DNAJC13: variants seen among roughly 807,000 people sequenced by gnomAD.
The protein encoded by DNAJC13 is dnaJ homolog subfamily C member 13.
DNAJC13 carries 75 observed loss-of-function variants against 290.5 expected under a neutral mutation model. That is an observed-to-expected ratio of 0.26 (90% CI 0.21 to 0.31). The LOEUF (loss-of-function observed/expected upper bound fraction) is 0.31. Ranked by LOEUF, DNAJC13 falls within the 10% of genes least tolerant of loss-of-function variation. The pLI is 1.00. For missense variants in DNAJC13, 2,260 were observed against 2,674.5 expected, an observed-to-expected ratio of 0.85 and a Z score of 3.42; for synonymous variants, 862 against 892.0, an observed-to-expected ratio of 0.97 and a Z score of 0.60.
chr3:132,527,617 GTTGT>G (rs1357421316), intron 53 of DNAJC13, among the ~76,000 whole-genome samples: 1 of 152,144 alleles, frequency 6.6e-6, no homozygotes, highest in Non-Finnish European at 1.5e-5. Flanking sequence ...ATCTCACAAG[GTTGT>G]TATGAGAACA....
chr3:132,488,348 A>G lies in DNAJC13; in HGVS notation c.3318A>G (p.Leu1106=), dbSNP rs1010571916. Residue 1106 remains leucine (L), a synonymous_variant, in exon 30 of 56, where the codon TTA becomes TTG. Coordinates refer to ENST00000260818, the MANE Select transcript of DNAJC13 (RefSeq NM_015268.4). Reference sequence around the variant, plus strand: ...TTGTTGAGAAGGTTGCTATTTTGTTATACCATATCATGCAAGATAACCCAC... The same window carrying G: ...TTGTTGAGAAGGTTGCTATTTTGTTGTACCATATCATGCAAGATAACCCAC... ...PILVEKVAIL[L]YHIMQDNPQL... 3.1e-6 allele frequency: 5 copies of G among 1,613,592 alleles called. No homozygotes were observed. Among genetic ancestry groups the G allele is most frequent in the Non-Finnish European group, 3.4e-6 (4 of 1,179,760 alleles).
intron 20 of DNAJC13, among the ~76,000 whole-genome samples, chr3:132,471,612 G>T (rs1286806316): frequency 1.5e-5 from 2 of 137,478 alleles, no homozygotes; most frequent in Non-Finnish European, 3.2e-5. Context: ...CAGATGGGGC[G>T]GCAGGGCAGA....
intron 27 of DNAJC13, 49 bp from the exon 28 acceptor site, chr3:132,483,326 G>A (rs994481892): frequency 6.6e-7 from 1 of 1,518,178 alleles, no homozygotes; most frequent in Admixed American, 1.7e-5. Flanking sequence ...CACTAGTGAG[G>A]TTTTTCATTT....
chr3:132,434,237 T>G (rs1224996740), intron 1 of DNAJC13, among the ~76,000 whole-genome samples: 1 of 148,014 alleles, frequency 6.8e-6, no homozygotes, highest in African/African-American at 2.5e-5. Context: ...AACAAAAAAA[T>G]TAGCCGGGCG....
chr3:132,470,677 A>C (rs1218239519), intron 20 of DNAJC13, among the ~76,000 whole-genome samples: 1 of 89,868 alleles, frequency 1.1e-5, no homozygotes, highest in Non-Finnish European at 2.3e-5. Context: ...CGACACCCCC[A>C]CCTCCCTCCC....
At chr3:132,501,721 A>T (rs867426048) in intron 39 of DNAJC13, among the ~76,000 whole-genome samples, 1 of 152,186 alleles carries the variant, frequency 6.6e-6, no homozygotes, top group South Asian at 2.1e-4. Flanking sequence ...GGTAGATGAG[A>T]TAGATGACTG....
In DNAJC13 at chr3:132,489,040, C is replaced by T; in HGVS notation, c.3468+19C>T. 2 of 1,604,158 alleles carry T rather than the reference C, an allele frequency of 1.2e-6. No homozygotes were observed. Among genetic ancestry groups the T allele is most frequent in the Middle Eastern group, 3.3e-4 (2 of 6,038 alleles). On this transcript the variant is annotated intron_variant, in intron 31 of 55. Coordinates refer to ENST00000260818, the MANE Select transcript of DNAJC13 (RefSeq NM_015268.4). ...AGAAGAGGTAAGCCAGGTTAATCCT[C>T]TGAATACTTAACCCTGGGTAAGCTG...
Position 132,525,610 on chromosome 3 carries a change from G to C in DNAJC13, c.6061G>C (p.Gly2021Arg). ...TELLEKNNPHGETLETLTMAT... is the reference protein window; with the variant it reads ...TELLEKNNPHRETLETLTMAT... ...ATTTATTTTTGTTTTACACCTGCAG[G>C]GAGAAACTCTGGAAACCTTGACAAT... Residue 2021 changes from glycine to arginine, a missense_variant and splice_region_variant, in exon 52 of 56, where the codon GGA becomes CGA. Gly to Arg is a moderately radical substitution (Grantham distance 125, BLOSUM62 -2). Around this residue, in one of 3 missense-constraint regions of DNAJC13, gnomAD observed 1,494 missense variants for 1,693.7 expected, o/e 0.88. Transcript: ENST00000260818. 6.2e-7 allele frequency: 1 copy of C among 1,613,522 alleles called. No homozygotes were observed. The highest frequency in any genetic ancestry group is 8.5e-7 in the Non-Finnish European group (1 of 1,179,772).
intron 34 of DNAJC13, among the ~76,000 whole-genome samples, 165 bp downstream of exon 34, chr3:132,494,424 A>C (rs1236829354): frequency 6.6e-6 from 1 of 152,204 alleles, no homozygotes; most frequent in Non-Finnish European, 1.5e-5. Flanking sequence ...ACTTTCATTT[A>C]TTGCAAACTT....
In DNAJC13 at chr3:132,538,412, TA is replaced by T; in HGVS notation, c.*131del. Reference sequence around the variant, plus strand: ...ACAGTGTTATTCCTTTTTCTATAAATATATTTTTAGGAAAAAAAGTCAGTGA... The same window carrying T: ...ACAGTGTTATTCCTTTTTCTATAAATTATTTTTAGGAAAAAAAGTCAGTGA... On this transcript the variant is annotated 3_prime_UTR_variant, in exon 56 of 56. Transcript: ENST00000260818. 1.5e-6 allele frequency: 1 copy of T among 668,066 alleles called. No individual in the cohort carries two copies. 41.4% of individuals were successfully genotyped at this position (668,066 alleles called of 1,614,324 possible).
rs1327925603 is a variant in DNAJC13, at chr3:132,490,880, T to C, written c.3469-17T>C. On this transcript the variant is annotated splice_polypyrimidine_tract_variant and intron_variant, in intron 31 of 55. Transcript: ENST00000260818. ...TTTAGTGTTTTTGACTACCTTTTGT[T>C]TTGTTTTGTTTTGAAGACAAAAGGA... 6.5e-7 allele frequency: 1 copy of C among 1,537,798 alleles called. No individual in the cohort carries two copies. The highest frequency in any genetic ancestry group is 2.2e-5 in the Admixed American group (1 of 44,504).
intron 20 of DNAJC13, among the ~76,000 whole-genome samples, chr3:132,467,815 C>G (rs1376190927): frequency 6.6e-6 from 1 of 152,112 alleles, no homozygotes; most frequent in Non-Finnish European, 1.5e-5. Flanking sequence ...TTCCTTAGTT[C>G]ATAGTTTTAT....
intron 55 of DNAJC13, among the ~76,000 whole-genome samples, chr3:132,533,545 A>G (rs1224649956): frequency 6.6e-6 from 1 of 151,884 alleles, no homozygotes; most frequent in Non-Finnish European, 1.5e-5. Flanking sequence ...TGTGTTGGCC[A>G]GGCTGGTCTC....
chr3:132,429,645 A>G (rs887586692), intron 1 of DNAJC13, among the ~76,000 whole-genome samples: 1 of 152,166 alleles, frequency 6.6e-6, no homozygotes, highest in African/African-American at 2.4e-5. Flanking sequence ...GCAGTCTTCA[A>G]TGGAGTTTTA....
chr3:132,442,690 G>C (rs1933110771), intron 2 of DNAJC13, among the ~76,000 whole-genome samples: 1 of 152,102 alleles, frequency 6.6e-6, no homozygotes. Context: ...GGTAACATAA[G>C]TTATGTTTCT....
intron 2 of DNAJC13, among the ~76,000 whole-genome samples, chr3:132,441,926 ATAT>A (rs1444229758): frequency 6.6e-6 from 1 of 152,096 alleles, no homozygotes; most frequent in Non-Finnish European, 1.5e-5. Context: ...ATTCACTGTC[ATAT>A]TATTGAACCC....
intron 22 of DNAJC13, 133 bp from the exon 23 acceptor site, chr3:132,477,656 A>T: frequency 1.6e-6 from 1 of 625,302 alleles, no homozygotes. Context: ...TAAAATAGTC[A>T]TGTTAACAAT....
Position 132,461,139 on chromosome 3 carries a change from G to A in DNAJC13, c.1647G>A (p.Gly549=). ...LCAPYSETTE[G]QQFDMLLEMV... ...CTCCATATAGTGAGACAACTGAAGGGCAGCAGTTTGATATGCTCTTGGAGA... is the reference window on the plus strand; with the variant it reads ...CTCCATATAGTGAGACAACTGAAGGACAGCAGTTTGATATGCTCTTGGAGA... The change falls in exon 15 of 56, where the codon GGG becomes GGA. Residue 549 remains glycine (G), a synonymous_variant. Transcript: ENST00000260818. 2 of 1,614,062 alleles carry A rather than the reference G, an allele frequency of 1.2e-6. No homozygotes were observed. The highest frequency in any genetic ancestry group is 2.2e-5 in the South Asian group (2 of 91,082).
intron 55 of DNAJC13, among the ~76,000 whole-genome samples, chr3:132,534,638 C>G (rs1376409354): frequency 2.7e-5 from 4 of 148,760 alleles, no homozygotes; most frequent in African/African-American, 9.8e-5. Context: ...AGAGCAAGAC[C>G]TTGTCTCAAA....
Sources: allele counts gnomAD v4.1 joint callset (sites outside exome capture counted in the v4.1 genomes callset), GRCh38; gene constraint gnomAD v4.1.1; regional missense constraint gnomAD v4.1.1; transcripts MANE v1.5; gene names NCBI Gene and HGNC (gene_info 2026-07-23, HGNC 2026-07-21).